The following NPFFR1 variants were observed in gnomAD, a reference collection of about 807,000 sequenced individuals.
NPFFR1 encodes the protein neuropeptide FF receptor 1, also known as G-protein coupled receptor 147.
A neutral mutation model predicts 12.7 loss-of-function variants in NPFFR1; 17 were observed. The observed-to-expected ratio is 1.34, with a 90% CI of 0.92 to 2.01. The LOEUF is 2.01. Ranked by LOEUF, NPFFR1 falls within the 30% of genes most tolerant of loss-of-function variation. The pLI is 0.00. For synonymous variants in NPFFR1, 296 were observed against 264.5 expected (o/e 1.12, Z -1.16); for missense variants, 604 against 606.5 (o/e 1.00, Z 0.04).
At position 70,283,568 on chromosome 10, in the gene NPFFR1, G is replaced by T. The variant is rs572756973; in HGVS notation, c.7+102C>A. ...GTGTCACAACGTCTGGCTCTGGACA[G>T]CCATGGGTGATCAGCTGCCCGGCCC... On this transcript the variant is annotated intron_variant, in intron 1 of 3. Transcript: ENST00000277942. 107 of 1,154,624 alleles carry T rather than the reference G, an allele frequency of 9.3e-5. No homozygotes were observed. The South Asian group carries it at 1.3e-3, about 14-fold the overall frequency. The allele number at this position is 1,154,624 out of a possible 1,614,324, so 71.5% of individuals were successfully genotyped here.
In NPFFR1 at chr10:70,255,698, A is replaced by T; in HGVS notation, c.552T>A (p.Arg184=). The part of the protein sequence containing the change: ...CPSAVTLTVT[R]EEHHFMVDAR... The stretch of plus-strand genomic sequence containing the variant: ...CGTCCACCATGAAGTGGTGCTCCTC[A>T]CGGGTGACGGTCAGCGTGACGGCCG... Residue 184 remains arginine (R), a synonymous_variant, in exon 4 of 4, where the codon CGT becomes CGA. Transcript: ENST00000277942. The surrounding 1 kb of genome is among the most constrained non-coding windows in gnomAD (Gnocchi z 4.2). 1 of 1,606,452 alleles carries T rather than the reference A, an allele frequency of 6.2e-7. No homozygotes were observed. Among genetic ancestry groups the T allele is most frequent in the East Asian group, 2.2e-5 (1 of 44,598 alleles).
intron 3 of NPFFR1, among the ~76,000 whole-genome samples, chr10:70,259,837 G>A (rs1005713884): frequency 1.3e-5 from 2 of 152,224 alleles, no homozygotes; most frequent in Non-Finnish European, 1.5e-5. Context: ...ATCCTGTAGG[G>A]TAGCTACCAT....
intron 3 of NPFFR1, among the ~76,000 whole-genome samples, chr10:70,258,387 C>G (rs1374392664): frequency 6.6e-6 from 1 of 152,050 alleles, no homozygotes; most frequent in East Asian, 1.9e-4. Context: ...AAAACCTCCC[C>G]CTGCAGCATG....
At position 70,283,801 on chromosome 10, in the gene NPFFR1, C is replaced by T. The variant is rs935787805; in HGVS notation, c.-125G>A. ...GGGCTGCGCCCCTGCCTCCGCGCTCCGCAGGTCCGGTCGGTCCGGGCAGAG... is the reference window on the plus strand; with the variant it reads ...GGGCTGCGCCCCTGCCTCCGCGCTCTGCAGGTCCGGTCGGTCCGGGCAGAG... On this transcript the variant is annotated 5_prime_UTR_variant, in exon 1 of 4. Transcript: ENST00000277942. The T allele has an allele frequency of 1.8e-6, 2 of 1,103,122 alleles. No individual in the cohort carries two copies. Among genetic ancestry groups the T allele is most frequent in the Middle Eastern group, 2.9e-4 (1 of 3,508 alleles). The allele number at this position is 1,103,122 out of a possible 1,614,324, so 68.3% of individuals were successfully genotyped here.
At position 70,281,613 on chromosome 10, in the gene NPFFR1, T is replaced by C. The variant is rs548919876; in HGVS notation, c.7+2057A>G. The stretch of plus-strand genomic sequence containing the variant: ...GTATATTTCCAATAATAAACCTATG[T>C]AATTTTGCATAAAGGGGATCACACT... On this transcript the variant is annotated intron_variant, in intron 1 of 3. Transcript: ENST00000277942. Among the ~76,000 whole-genome samples the C allele has an allele frequency of 5.3e-5, 8 of 152,342 alleles. No individual in the cohort carries two copies. In the South Asian group the frequency reaches 1.7e-3, roughly 32 times the overall value.
At chr10:70,267,693 G>T (rs1158513651) in intron 1 of NPFFR1, among the ~76,000 whole-genome samples, 2 of 152,190 alleles carry the variant, frequency 1.3e-5, no homozygotes, top group Non-Finnish European at 2.9e-5. Context: ...TCCTCCTGAG[G>T]CCTATTCCAG....
chr10:70,281,571 C>T lies in NPFFR1; in HGVS notation c.7+2099G>A, dbSNP rs146108421. 1.5e-4 allele frequency among the ~76,000 whole-genome samples: 23 copies of T among 152,212 alleles called. No homozygotes were observed. The East Asian group carries it at 1.9e-3, about 13-fold the overall frequency. The stretch of plus-strand genomic sequence containing the variant: ...AAAGATGTTAGTGACTACCTCTTTG[C>T]GTATACACTTGTATATGTATATTTC... On this transcript the variant is annotated intron_variant, in intron 1 of 3. Coordinates refer to ENST00000277942, the MANE Select transcript of NPFFR1 (RefSeq NM_022146.5).
chr10:70,258,816 C>T (rs58896152), intron 3 of NPFFR1, among the ~76,000 whole-genome samples: 13,725 of 152,144 alleles, frequency 0.09, 688 homozygotes, highest in Middle Eastern at 0.18. Context: ...CAGAGCCTGC[C>T]CTGGAACATA....
intron 1 of NPFFR1, among the ~76,000 whole-genome samples, chr10:70,272,139 AAG>A (rs1434124754): frequency 3.1e-5 from 3 of 98,086 alleles, no homozygotes; most frequent in East Asian, 3.3e-4. Context: ...GAAAGAAATA[AAG>A]AGAAAGGGAG....
At position 70,283,238 on chromosome 10, in the gene NPFFR1, T is replaced by A. The variant is rs180855578; in HGVS notation, c.7+432A>T. On this transcript the variant is annotated intron_variant, in intron 1 of 3. Transcript: ENST00000277942. ...CTCTCTCTCACTCTCTCTCTCTCTC[T>A]CACACACACACACAAGCACAACATG... Among the ~76,000 whole-genome samples, 317 of 141,586 alleles carry A rather than the reference T, an allele frequency of 2.2e-3. 4 individuals are homozygous for A. Among genetic ancestry groups the A allele is most frequent in the African/African-American group, 2.0e-3 (75 of 37,762 alleles). 92.9% of individuals were successfully genotyped at this position (141,586 alleles called of 152,430 possible).
rs777078873 is a variant in NPFFR1, at chr10:70,266,392, C to T, written c.8-1G>A. 1.2e-6 allele frequency: 2 copies of T among 1,609,104 alleles called. No individual in the cohort carries two copies. Among genetic ancestry groups the T allele is most frequent in the East Asian group, 4.5e-5 (2 of 44,832 alleles). On this transcript the variant is annotated splice_acceptor_variant, in intron 1 of 3. Transcript: ENST00000277942. LOFTEE classifies it high-confidence loss of function. Reference sequence around the variant, plus strand: ...CTGTTGGGAGGCTGGGAGGGCTCCCCTAGGACCAAAGGAATATATTGGTCA... The same window carrying T: ...CTGTTGGGAGGCTGGGAGGGCTCCCTTAGGACCAAAGGAATATATTGGTCA...
At chr10:70,278,193 G>A (rs1401711167) in intron 1 of NPFFR1, among the ~76,000 whole-genome samples, 5 of 152,054 alleles carry the variant, frequency 3.3e-5, no homozygotes, top group African/African-American at 1.2e-4. Flanking sequence ...GAACAAGAGT[G>A]AGCCCCTGTC....
In NPFFR1 at chr10:70,247,901, T is replaced by C. The variant is rs1282062426; in HGVS notation, c.*7056A>G. On this transcript the variant is annotated 3_prime_UTR_variant, in exon 4 of 4. Coordinates refer to ENST00000277942, the MANE Select transcript of NPFFR1 (RefSeq NM_022146.5). ...TGGCTGCTTTGAGGGCTTGATGTGG[T>C]ATTGAGTCAAACTAAATTTAAACCT... is the stretch of plus-strand genomic sequence containing the variant. The C allele has an allele frequency of 6.6e-6, 1 of 152,216 alleles. No homozygotes were observed. The highest frequency in any genetic ancestry group is 1.5e-5 in the Non-Finnish European group (1 of 68,054). The allele number at this position is 152,216 out of a possible 1,614,324, so 9.4% of individuals were successfully genotyped here.
intron 1 of NPFFR1, among the ~76,000 whole-genome samples, chr10:70,274,457 AAAAG>A (rs1485004415): frequency 6.6e-6 from 1 of 150,630 alleles, no homozygotes; most frequent in Non-Finnish European, 1.5e-5. Context: ...TTGAAAATAA[AAAAG>A]AGAGAGAGAG....
intron 1 of NPFFR1, among the ~76,000 whole-genome samples, chr10:70,270,201 A>G (rs1187821033): frequency 6.6e-6 from 1 of 152,230 alleles, no homozygotes; most frequent in Admixed American, 6.5e-5. Flanking sequence ...GAATAAATAA[A>G]TATCTGTAGG....
chr10:70,248,489 T>TTTTTTTTTTTTTTTTTTTTTG lies in NPFFR1; in HGVS notation c.*6467_*6468insCAAAAAAAAAAAAAAAAAAAA, dbSNP rs1840477391. The TTTTTTTTTTTTTTTTTTTTTG allele has an allele frequency of 7.9e-5, 9 of 113,880 alleles. No homozygotes were observed. Among genetic ancestry groups the TTTTTTTTTTTTTTTTTTTTTG allele is most frequent in the Non-Finnish European group, 1.2e-4 (7 of 57,096 alleles). The allele number at this position is 113,880 out of a possible 1,614,324, so 7.1% of individuals were successfully genotyped here. A position where few individuals can be genotyped will look rare whatever the true frequency, so the allele number is the denominator to read the frequency against. On this transcript the variant is annotated 3_prime_UTR_variant, in exon 4 of 4. Coordinates refer to ENST00000277942, the MANE Select transcript of NPFFR1 (RefSeq NM_022146.5). Reference sequence around the variant, plus strand: ...GGCGTTTTTTTTTTGTTTTTTGTTTTTTTTTTTTTTTTTTGAGATGGAGTC... The same window carrying TTTTTTTTTTTTTTTTTTTTTG: ...GGCGTTTTTTTTTTGTTTTTTGTTTTTTTTTTTTTTTTTTTTTTTTGTTTTTTTTTTTTTTGAGATGGAGTC...
intron 2 of NPFFR1, among the ~76,000 whole-genome samples, chr10:70,264,100 G>A (rs1271676771): frequency 6.7e-6 from 1 of 149,598 alleles, no homozygotes; most frequent in Non-Finnish European, 1.5e-5. Flanking sequence ...AGAGGCCGGT[G>A]TGGTGGTTCA....
At chr10:70,267,488 A>G (rs1840706301) in intron 1 of NPFFR1, among the ~76,000 whole-genome samples, 1 of 152,128 alleles carries the variant, frequency 6.6e-6, no homozygotes, top group African/African-American at 2.4e-5. Context: ...GGAGGTCAGA[A>G]AGGTTCCATG....
chr10:70,262,895 G>T (rs1840647848), intron 2 of NPFFR1, among the ~76,000 whole-genome samples: 1 of 152,166 alleles, frequency 6.6e-6, no homozygotes, highest in Non-Finnish European at 1.5e-5. Flanking sequence ...TCTCAGCCAG[G>T]TGTAGTAATC....
Sources: gnomAD v4.1 joint callset for allele counts (sites outside exome capture counted in the v4.1 genomes callset) on GRCh38, gnomAD v4.1.1 for gene constraint, Gnocchi (gnomAD v3.1) non-coding constraint, MANE v1.5 for transcripts, NCBI Gene and HGNC (gene_info 2026-07-23, HGNC 2026-07-21) for gene names.